Variants in MIDN observed in about 807,000 individuals in gnomAD.
MIDN encodes the protein midnolin, also known as midbrain nucleolar protein.
Under a neutral mutation model 46.1 loss-of-function variants are expected in MIDN, and 26 were observed. That is an observed-to-expected ratio of 0.56 (90% confidence interval 0.41 to 0.78). The LOEUF (loss-of-function observed/expected upper bound fraction) is 0.78. MIDN is among the 30% of genes least tolerant of loss of function. The probability of loss-of-function intolerance (pLI) is 0.00; values close to 1 mark genes in which losing one functional copy is unlikely to be tolerated. For missense variants in MIDN, 850 were observed against 771.8 expected, an observed-to-expected ratio of 1.10 and a Z score of -1.20; for synonymous variants, 432 against 343.3, an observed-to-expected ratio of 1.26 and a Z score of -2.86.
intron 2 of MIDN, among the ~76,000 whole-genome samples, chr19:1,251,054 CGGGGGAGGGGCGGA>C (rs1338788306): frequency 6.6e-6 from 1 of 151,136 alleles, no homozygotes; most frequent in African/African-American, 2.4e-5. Context: ...AGGGGCCCAT[CGGGGGAGGGGCGGA>C]GGGGGAGGGT....
At chr19:1,252,545 C>CTT (rs564825213) in intron 4 of MIDN, among the ~76,000 whole-genome samples, 3 of 146,340 alleles carry the variant, frequency 2.1e-5, no homozygotes, top group South Asian at 2.1e-4. Flanking sequence ...TTGCTGCGGA[C>CTT]TTTTTTTTTT....
At chr19:1,253,867 C>T in intron 4 of MIDN, 87 bp from the exon 5 acceptor site, 2 of 1,154,474 alleles carry the variant, frequency 1.7e-6, no homozygotes, top group East Asian at 3.8e-5. Flanking sequence ...GGGCCCCGCC[C>T]CCTCTGGCCT....
chr19:1,251,230 G>C (rs1899738210), intron 2 of MIDN: 3 of 302,290 alleles, frequency 9.9e-6, no homozygotes, highest in Non-Finnish European at 1.2e-5. Context: ...TTGGGGGCAG[G>C]GGCTGCCCTG....
chr19:1,255,345 C>G, intron 7 of MIDN, 77 bp from the exon 8 acceptor site: 3 of 1,475,010 alleles, frequency 2.0e-6, no homozygotes, highest in Admixed American at 4.2e-5. Context: ...AGCTCATGAG[C>G]TCACACCCGT....
rs767437034 is a variant in MIDN, at chr19:1,255,418, G to A, written c.986-4G>A. The A allele has an allele frequency of 2.9e-5, 46 of 1,580,164 alleles. No individual in the cohort carries two copies. Among genetic ancestry groups the A allele is most frequent in the Middle Eastern group, 1.8e-4 (1 of 5,648 alleles). Reference sequence around the variant, plus strand: ...CGGGCACTCACGGCCACCTCTGCCCGCAGGCACGCTACACCCCAACTGCCA... The same window carrying A: ...CGGGCACTCACGGCCACCTCTGCCCACAGGCACGCTACACCCCAACTGCCA... On this transcript the variant is annotated splice_polypyrimidine_tract_variant and splice_region_variant and intron_variant, in intron 7 of 8. Transcript: ENST00000682408.
chr19:1,251,392 C>T lies in MIDN; in HGVS notation c.234-170C>T, dbSNP rs570460983. The T allele has an allele frequency of 3.3e-4, 197 of 593,686 alleles. No homozygotes were observed. The African/African-American group carries it at 3.4e-3, about 10-fold the overall frequency. 36.8% of individuals were successfully genotyped at this position (593,686 alleles called of 1,614,324 possible). ...CCAGGATGGGGCTCCCAGCACCAGA[C>T]GGAGACCTCTCTGCACGCGCTTAGG... On this transcript the variant is annotated intron_variant, in intron 2 of 8. Transcript: ENST00000682408.
chr19:1,250,465 C>T lies in MIDN; in HGVS notation c.169C>T (p.Arg57Cys). ...GCCCGACGAGACGGTGGAGGGGCTG[C>T]GCAAGCGGTTGTCCCAGCGCCTCAA... is the stretch of plus-strand genomic sequence containing the variant. ...VPPDETVEGL[R>C]KRLSQRLKVP... Residue 57 changes from arginine to cysteine, a missense_variant, in exon 2 of 9, where the codon CGC becomes TGC. Transcript: ENST00000682408. 3 of 1,384,860 alleles carry T rather than the reference C, an allele frequency of 2.2e-6. No homozygotes were observed. The South Asian group carries it at 4.5e-5, about 21-fold the overall frequency. The allele number at this position is 1,384,860 out of a possible 1,614,324, so 85.8% of individuals were successfully genotyped here.
chr19:1,253,432 C>CA lies in MIDN; in HGVS notation c.385-521dup, dbSNP rs369872869. Among the ~76,000 whole-genome samples, 9 of 146,448 alleles carry CA rather than the reference C, an allele frequency of 6.1e-5. No homozygotes were observed. In the East Asian group the frequency reaches 1.4e-3, roughly 23 times the overall value. On this transcript the variant is annotated intron_variant, in intron 4 of 8. Transcript: ENST00000682408. ...CAGAAACCTCCGCCACCCCCCCCCCCATCCCGGCCACTGGGGAGAGCAGGG... is the reference window on the plus strand; with the variant it reads ...CAGAAACCTCCGCCACCCCCCCCCCCAATCCCGGCCACTGGGGAGAGCAGGG...
intron 2 of MIDN, 118 bp downstream of exon 2, chr19:1,250,647 G>A: frequency 5.2e-6 from 2 of 382,990 alleles, no homozygotes; most frequent in Non-Finnish European, 7.5e-6. Flanking sequence ...GGGGCGCGCC[G>A]CGCGCTCTCG....
intron 4 of MIDN, among the ~76,000 whole-genome samples, chr19:1,252,703 G>A (rs1468814488): frequency 6.6e-6 from 1 of 152,184 alleles, no homozygotes; most frequent in African/African-American, 2.4e-5. Context: ...CCCAGCAAGG[G>A]GTGGCCGGCT....
At position 1,255,333 on chromosome 19, in the gene MIDN, T is replaced by G; in HGVS notation, c.986-89T>G. On this transcript the variant is annotated intron_variant, in intron 7 of 8. Coordinates refer to ENST00000682408, the MANE Select transcript of MIDN (RefSeq NM_001388306.1). The stretch of plus-strand genomic sequence containing the variant: ...CAGCCCACATGTCCACGCCATTGCC[T>G]GAGCTCATGAGCTCACACCCGTGGA... The G allele has an allele frequency of 3.5e-6, 5 of 1,443,020 alleles. No homozygotes were observed. In the South Asian group the frequency reaches 6.8e-5, roughly 20 times the overall value. The allele number at this position is 1,443,020 out of a possible 1,614,324, so 89.4% of individuals were successfully genotyped here.
At chr19:1,253,873 G>A (rs2081164080) in intron 4 of MIDN, 81 bp from the exon 5 acceptor site, 1 of 1,222,282 alleles carries the variant, frequency 8.2e-7, no homozygotes, top group East Asian at 3.6e-5. Context: ...CGCCCCCTCT[G>A]GCCTCAGTTT....
chr19:1,258,144 G>A lies in MIDN; in HGVS notation c.*872G>A, dbSNP rs773511856. On this transcript the variant is annotated 3_prime_UTR_variant, in exon 9 of 9. Transcript: ENST00000682408. ...CCTGCCTGAGTTTGGGGTATTTATAGACTATTAATTTTCTGACTGAGCCAA... is the reference window on the plus strand; with the variant it reads ...CCTGCCTGAGTTTGGGGTATTTATAAACTATTAATTTTCTGACTGAGCCAA... 2 of 152,608 alleles carry A rather than the reference G, an allele frequency of 1.3e-5. No individual in the cohort carries two copies. Among genetic ancestry groups the A allele is most frequent in the Non-Finnish European group, 2.9e-5 (2 of 68,082 alleles). 9.5% of individuals were successfully genotyped at this position (152,608 alleles called of 1,614,324 possible).
intron 2 of MIDN, 70 bp downstream of exon 2, chr19:1,250,599 C>G (rs943957436): frequency 7.8e-5 from 69 of 889,354 alleles, no homozygotes; most frequent in Non-Finnish European, 9.3e-5. Flanking sequence ...AAAGAGCGCG[C>G]CGCGCGGGGA....
intron 4 of MIDN, among the ~76,000 whole-genome samples, chr19:1,252,152 C>T (rs1308902624): frequency 2.6e-5 from 4 of 152,210 alleles, no homozygotes; most frequent in African/African-American, 9.6e-5. Context: ...CACAAGACTG[C>T]CTGCAGGATG....
Position 1,253,968 on chromosome 19 carries a change from C to G in MIDN, c.399C>G (p.Pro133=). ...TGTCCCCACAGCCCCCAGCGGCGCCCGGGCCGGGCCGGGCTGGCGGAGGAG... is the reference window on the plus strand; with the variant it reads ...TGTCCCCACAGCCCCCAGCGGCGCCGGGGCCGGGCCGGGCTGGCGGAGGAG... ...SLTETQPPAA[P]GPGRAGGGGF... The change falls in exon 5 of 9, where the codon CCC becomes CCG. Residue 133 remains proline, a synonymous_variant. Coordinates refer to ENST00000682408, the MANE Select transcript of MIDN (RefSeq NM_001388306.1). 7.2e-7 allele frequency: 1 copy of G among 1,390,440 alleles called. No individual in the cohort carries two copies. Among genetic ancestry groups the G allele is most frequent in the South Asian group, 1.6e-5 (1 of 62,998 alleles). 86.1% of individuals were successfully genotyped at this position (1,390,440 alleles called of 1,614,324 possible). A position where few individuals can be genotyped will look rare whatever the true frequency, so the allele number is the denominator to read the frequency against.
At chr19:1,254,665 TTGACGGTCATCGCCTGACATGACCTGGA>T (rs2081175814) in intron 6 of MIDN, among the ~76,000 whole-genome samples, 187 bp downstream of exon 6, 1 of 151,898 alleles carries the variant, frequency 6.6e-6, no homozygotes, top group Non-Finnish European at 1.5e-5. Flanking sequence ...AGATCCTGAG[TTGACGGTCATCGCCTGACATGACCTGGA>T]CCAGTAGATG....
At position 1,255,067 on chromosome 19, in the gene MIDN, T is replaced by C; in HGVS notation, c.985+6T>C. The C allele has an allele frequency of 6.2e-7, 1 of 1,610,534 alleles. No homozygotes were observed. The highest frequency in any genetic ancestry group is 8.5e-7 in the Non-Finnish European group (1 of 1,177,906). On this transcript the variant is annotated splice_donor_region_variant and intron_variant, in intron 7 of 8. Coordinates refer to ENST00000682408, the MANE Select transcript of MIDN (RefSeq NM_001388306.1). ...CTTCTCAGGGACCTTCTCTGGTAGGTGTCACAGCACATGTGTGAGCTCACG... is the reference window on the plus strand; with the variant it reads ...CTTCTCAGGGACCTTCTCTGGTAGGCGTCACAGCACATGTGTGAGCTCACG...
chr19:1,251,704 C>A, intron 3 of MIDN, 55 bp downstream of exon 3: 1 of 1,555,948 alleles, frequency 6.4e-7, no homozygotes, highest in Non-Finnish European at 8.8e-7. Flanking sequence ...AGGCAGTAGC[C>A]CCTCCCTCGG....
Sources: gnomAD v4.1 joint callset for allele counts (sites outside exome capture counted in the v4.1 genomes callset) on GRCh38, gnomAD v4.1.1 for gene constraint, MANE v1.5 for transcripts, NCBI Gene and HGNC (gene_info 2026-07-23, HGNC 2026-07-21) for gene names.